Variants in KAZN observed in about 807,000 individuals in gnomAD.
KAZN encodes the protein kazrin, periplakin interacting protein, also known as kazrin.
Under a neutral mutation model 87.4 loss-of-function variants are expected in KAZN, and 40 were observed. That is an observed-to-expected ratio of 0.46 (90% CI 0.36 to 0.60). The LOEUF is 0.60. Ranked by LOEUF, KAZN falls within the 20% of genes least tolerant of loss-of-function variation. KAZN has a pLI of 0.00. For missense variants in KAZN, 898 were observed against 1,073.9 expected (o/e 0.84, Z 2.29); for synonymous variants, 466 against 458.3 (o/e 1.02, Z -0.22).
chr1:14,335,983 G>A (rs562064053), intron 2 of KAZN, among the ~76,000 whole-genome samples: 1 of 152,242 alleles, frequency 6.6e-6, no homozygotes, highest in Non-Finnish European at 1.5e-5. Flanking sequence ...GCAGGTGAGA[G>A]ACACTGGGGT....
At chr1:14,033,463 A>G (rs1641412937) in intron 1 of KAZN, among the ~76,000 whole-genome samples, 2 of 152,174 alleles carry the variant, frequency 1.3e-5, no homozygotes, top group African/African-American at 4.8e-5. Context: ...CTTCCTTCCC[A>G]CTTATTGAAT....
At chr1:14,782,056 T>C (rs776221293) in intron 1 of KAZN, among the ~76,000 whole-genome samples, 1 of 152,236 alleles carries the variant, frequency 6.6e-6, no homozygotes, top group African/African-American at 2.4e-5. Context: ...GTCAGATCTT[T>C]TGTAAAGGTT....
chr1:14,544,554 G>A (rs12068861), intron 2 of KAZN, among the ~76,000 whole-genome samples: 3 of 151,630 alleles, frequency 2.0e-5, no homozygotes, highest in Admixed American at 6.6e-5. Flanking sequence ...ACTTAAAAGA[G>A]ACTCTTTTAG....
chr1:14,094,447 A>G (rs1644081267), intron 1 of KAZN, among the ~76,000 whole-genome samples: 1 of 152,238 alleles, frequency 6.6e-6, no homozygotes, highest in African/African-American at 2.4e-5. Context: ...TGATTACAAA[A>G]GCCTAGGGAA....
At position 14,708,032 on chromosome 1, in the gene KAZN, G is replaced by A. The variant is rs572416555; in HGVS notation, c.226+108809G>A. ...TCATTTTGAAATCCCAGGTCTGTGA[G>A]TTTGAGCAGTTTCTAGATCTAGCCA... On this transcript the variant is annotated intron_variant, in intron 1 of 14. Coordinates refer to ENST00000376030, the MANE Select transcript of KAZN (RefSeq NM_201628.3). Among the ~76,000 whole-genome samples, 7 of 152,268 alleles carry A rather than the reference G, an allele frequency of 4.6e-5. No homozygotes were observed. The East Asian group carries it at 1.4e-3, about 29-fold the overall frequency.
chr1:14,083,236 C>G (rs1643747163), intron 1 of KAZN, among the ~76,000 whole-genome samples: 1 of 152,202 alleles, frequency 6.6e-6, no homozygotes. Context: ...GTACATAGAG[C>G]ACTTTCTCAT....
intron 1 of KAZN, among the ~76,000 whole-genome samples, chr1:14,128,371 C>A (rs1274933551): frequency 1.4e-5 from 2 of 147,078 alleles, no homozygotes; most frequent in Non-Finnish European, 3.0e-5. Context: ...CTAGGACTGC[C>A]ATAGTGATCC....
intron 1 of KAZN, among the ~76,000 whole-genome samples, chr1:14,615,819 G>A (rs1339113219): frequency 6.6e-6 from 1 of 152,208 alleles, no homozygotes; most frequent in African/African-American, 2.4e-5. Context: ...TTGGCATTTG[G>A]TAAGACTTCT....
In KAZN at chr1:14,541,221, G is replaced by C. The variant is rs542195332; in HGVS notation, c.250-57762G>C. Among the ~76,000 whole-genome samples the C allele has an allele frequency of 4.6e-5, 7 of 152,250 alleles. No homozygotes were observed. The East Asian group carries it at 1.4e-3, about 29-fold the overall frequency. On this transcript the variant is annotated intron_variant, in intron 2 of 16. Coordinates refer to the KAZN transcript ENST00000636203. ...TATCCTACGCTTCAACTTCCCCCAA[G>C]GACGAAGGAAATAGCTGCAAATTAG...
intron 1 of KAZN, among the ~76,000 whole-genome samples, chr1:14,642,591 G>A (rs1323572212): frequency 6.6e-6 from 1 of 152,158 alleles, no homozygotes; most frequent in Admixed American, 6.5e-5. Flanking sequence ...AAAGGATACA[G>A]GTAAATAGGA....
chr1:14,793,633 G>T (rs1342909421), intron 1 of KAZN, among the ~76,000 whole-genome samples: 4 of 152,200 alleles, frequency 2.6e-5, no homozygotes, highest in Non-Finnish European at 2.9e-5. Flanking sequence ...CACAGTATGT[G>T]CTCCATAAAT....
At chr1:14,052,138 C>T (rs1249160352) in intron 1 of KAZN, among the ~76,000 whole-genome samples, 1 of 152,208 alleles carries the variant, frequency 6.6e-6, no homozygotes, top group Non-Finnish European at 1.5e-5. Flanking sequence ...ATCACTGGCA[C>T]CCGGCTCACA....
In KAZN at chr1:14,699,207, G is replaced by A. The variant is rs150854302; in HGVS notation, c.226+99984G>A. 3.9e-5 allele frequency among the ~76,000 whole-genome samples: 6 copies of A among 152,386 alleles called. No individual in the cohort carries two copies. In the East Asian group the frequency reaches 1.2e-3, roughly 29 times the overall value. ...AACAATTTAGCTGGCTCCTGGGAGA[G>A]CTGTCCTCGTTGATAAACTGAAAAG... is the stretch of plus-strand genomic sequence containing the variant. On this transcript the variant is annotated intron_variant, in intron 1 of 14. Transcript: ENST00000376030.
At chr1:13,893,772 T>C in intron 1 of KAZN, 2 of 1,550,180 alleles carry the variant, frequency 1.3e-6, no homozygotes, top group South Asian at 1.2e-5. Flanking sequence ...AATTGCGTCG[T>C]GTGTCATGTG....
intron 1 of KAZN, among the ~76,000 whole-genome samples, chr1:13,957,668 G>C (rs1641595787): frequency 6.6e-6 from 1 of 152,166 alleles, no homozygotes; most frequent in African/African-American, 2.4e-5. Context: ...CCGGGTGAGA[G>C]AGAAAGCAAG....
intron 8 of KAZN, among the ~76,000 whole-genome samples, chr1:15,072,320 T>A (rs1639541593): frequency 6.6e-6 from 1 of 152,146 alleles, no homozygotes; most frequent in Non-Finnish European, 1.5e-5. Context: ...GGCATCGGGC[T>A]GTGTGTGTGA....
At chr1:14,677,324 T>C (rs1216860357) in intron 1 of KAZN, among the ~76,000 whole-genome samples, 1 of 152,206 alleles carries the variant, frequency 6.6e-6, no homozygotes, top group Non-Finnish European at 1.5e-5. Context: ...ACCTAGCCAT[T>C]GTTTAACTTA....
chr1:14,177,517 T>C (rs1388622643), intron 1 of KAZN, among the ~76,000 whole-genome samples: 1 of 152,220 alleles, frequency 6.6e-6, no homozygotes, highest in Admixed American at 6.5e-5. Flanking sequence ...AAGATATTGA[T>C]GGTTATAGAA....
chr1:14,749,131 T>A (rs1409405528), intron 1 of KAZN, among the ~76,000 whole-genome samples: 1 of 152,224 alleles, frequency 6.6e-6, no homozygotes. Context: ...GTCCACATGC[T>A]ATTGCTTCCC....
Sources: gnomAD v4.1 joint callset for allele counts (sites outside exome capture counted in the v4.1 genomes callset) on GRCh38, gnomAD v4.1.1 for gene constraint, MANE v1.5 for transcripts, NCBI Gene and HGNC (gene_info 2026-07-23, HGNC 2026-07-21) for gene names.